The following PPP1R12B variants were observed in gnomAD, a reference collection of about 807,000 sequenced individuals.
The protein encoded by PPP1R12B is myosin phosphatase target subunit 2.
PPP1R12B carries 76 observed loss-of-function variants against 126.1 expected under a neutral mutation model. That is an observed-to-expected ratio of 0.60 (90% CI 0.50 to 0.73). The LOEUF is 0.73. Among genes scored for constraint, PPP1R12B ranks in the 30% least tolerant of loss-of-function variants. The pLI is 0.00. For synonymous variants in PPP1R12B, 356 were observed against 434.7 expected, an observed-to-expected ratio of 0.82 and a Z score of 2.25; for missense variants, 1,052 against 1,205.1, an observed-to-expected ratio of 0.87 and a Z score of 1.88.
intron 4 of PPP1R12B, among the ~76,000 whole-genome samples, 165 bp from the exon 5 acceptor site, chr1:202,426,875 A>G (rs1292996738): frequency 6.6e-6 from 1 of 152,222 alleles, no homozygotes; most frequent in Non-Finnish European, 1.5e-5. Flanking sequence ...TTGGTACGCA[A>G]AGTAGTTAAC....
Position 202,566,813 on chromosome 1 carries a change from T to A in PPP1R12B, c.2758-965T>A, listed in dbSNP as rs1512749. On this transcript the variant is annotated intron_variant, in intron 21 of 23. Transcript: ENST00000608999. The stretch of plus-strand genomic sequence containing the variant: ...TCTGGCCATTCCTTAATTTTTTTTT[T>A]AAAAAAAGAAACTGCTGCAAGAAGA... 1.5e-3 allele frequency among the ~76,000 whole-genome samples: 225 copies of A among 152,108 alleles called. 1 individual carries two copies. Among genetic ancestry groups the A allele is most frequent in the Middle Eastern group, 3.4e-3 (1 of 294 alleles).
chr1:202,435,616 G>C (rs1420679311), intron 9 of PPP1R12B, among the ~76,000 whole-genome samples: 2 of 152,190 alleles, frequency 1.3e-5, no homozygotes, highest in African/African-American at 2.4e-5. Context: ...TAGTCAGTGA[G>C]AGTGAGTTGA....
Position 202,457,376 on chromosome 1 carries a change from G to A in PPP1R12B, c.1850+8205G>A, listed in dbSNP as rs1372266941. ...ACCAGCCTGACCAACATGGCGACAC[G>A]CCATCTCTACTAAAAAAATACAAAA... On this transcript the variant is annotated intron_variant, in intron 13 of 23. Coordinates refer to ENST00000608999, the MANE Select transcript of PPP1R12B (RefSeq NM_002481.4). Among the ~76,000 whole-genome samples, 4 of 151,758 alleles carry A rather than the reference G, an allele frequency of 2.6e-5. No individual in the cohort carries two copies. In the South Asian group the frequency reaches 6.2e-4, roughly 24 times the overall value.
At chr1:202,471,932 G>C in intron 13 of PPP1R12B, 1 of 1,596,824 alleles carries the variant, frequency 6.3e-7, no homozygotes, top group South Asian at 1.1e-5. Flanking sequence ...GCTGGCAGAG[G>C]ACAGTGGAGC....
chr1:202,424,326 C>CTT (rs34030338), intron 3 of PPP1R12B, among the ~76,000 whole-genome samples: 10 of 141,364 alleles, frequency 7.1e-5, no homozygotes, highest in Admixed American at 1.4e-4. Flanking sequence ...CAGGTTCTCT[C>CTT]TTTTTTTTTT....
At chr1:202,364,686 C>G (rs2148421797) in intron 1 of PPP1R12B, among the ~76,000 whole-genome samples, 1 of 152,216 alleles carries the variant, frequency 6.6e-6, no homozygotes, top group African/African-American at 2.4e-5. Context: ...ACGCCATTCT[C>G]CTGTTTCAGC....
chr1:202,391,626 T>C (rs1017666931), intron 1 of PPP1R12B, among the ~76,000 whole-genome samples: 2 of 139,270 alleles, frequency 1.4e-5, no homozygotes, highest in Admixed American at 7.2e-5. Flanking sequence ...TATCTTCAGG[T>C]GTACTGAAGA....
chr1:202,364,822 C>T lies in PPP1R12B; in HGVS notation c.291+15680C>T, dbSNP rs1381623420. On this transcript the variant is annotated intron_variant, in intron 1 of 23. Transcript: ENST00000608999. ...CGATCTCCTGACCTCGTGATGGGCC[C>T]GCCTCGGCCTCCCAAAGTGCTGGGA... Among the ~76,000 whole-genome samples, 11 of 152,122 alleles carry T rather than the reference C, an allele frequency of 7.2e-5. No individual in the cohort carries two copies. In the East Asian group the frequency reaches 1.2e-3, roughly 16 times the overall value.
At chr1:202,533,476 G>A (rs561504556) in intron 18 of PPP1R12B, among the ~76,000 whole-genome samples, 1 of 151,958 alleles carries the variant, frequency 6.6e-6, no homozygotes, top group Non-Finnish European at 1.5e-5. Context: ...TTTTTGTTTT[G>A]TTTTGTTTTG....
intron 5 of PPP1R12B, among the ~76,000 whole-genome samples, chr1:202,427,998 T>C (rs1336061226): frequency 1.3e-5 from 2 of 150,680 alleles, no homozygotes; most frequent in Non-Finnish European, 2.9e-5. Flanking sequence ...ATGGTAGAGA[T>C]GGGGGGTCTC....
At chr1:202,465,841 C>T (rs990408648) in intron 13 of PPP1R12B, among the ~76,000 whole-genome samples, 3 of 152,154 alleles carry the variant, frequency 2.0e-5, no homozygotes, top group Non-Finnish European at 4.4e-5. Context: ...ACAGTCCTTG[C>T]GCACTTGTGC....
At chr1:202,372,151 G>T (rs980728323) in intron 1 of PPP1R12B, among the ~76,000 whole-genome samples, 4 of 152,090 alleles carry the variant, frequency 2.6e-5, no homozygotes, top group African/African-American at 7.2e-5. Flanking sequence ...GATTATAGGC[G>T]TGAGCCACTG....
chr1:202,360,995 A>G (rs1324782615), intron 1 of PPP1R12B, among the ~76,000 whole-genome samples: 3 of 149,044 alleles, frequency 2.0e-5, no homozygotes, highest in Admixed American at 1.4e-4. Flanking sequence ...GGTTCATGCC[A>G]TTCTCCTGCC....
At chr1:202,495,534 T>C in intron 16 of PPP1R12B, 36 bp from the exon 17 acceptor site, 1 of 1,611,696 alleles carries the variant, frequency 6.2e-7, no homozygotes, top group Non-Finnish European at 8.5e-7. Flanking sequence ...CATCCCCAGA[T>C]TCTTAAAGTT....
At chr1:202,492,603 G>C (rs1679025593) in intron 14 of PPP1R12B, among the ~76,000 whole-genome samples, 1 of 152,174 alleles carries the variant, frequency 6.6e-6, no homozygotes, top group South Asian at 2.1e-4. Context: ...AGTTACTTGG[G>C]AATTGATATT....
At chr1:202,537,133 G>A (rs1260395631) in intron 18 of PPP1R12B, among the ~76,000 whole-genome samples, 1 of 152,162 alleles carries the variant, frequency 6.6e-6, no homozygotes, top group Non-Finnish European at 1.5e-5. Context: ...CCGATCACAA[G>A]GTCAGGAGAT....
At chr1:202,377,832 GTTTTTTTTTTTTTTTTT>G (rs74860606) in intron 1 of PPP1R12B, among the ~76,000 whole-genome samples, 35 of 97,306 alleles carry the variant, frequency 3.6e-4, no homozygotes, top group Admixed American at 3.3e-3. Context: ...AAAGACAGGT[GTTTTTTTTTTTTTTTTT>G]TTTTTTTTTT....
chr1:202,430,926 TAA>T (rs932496754), intron 7 of PPP1R12B, 116 bp downstream of exon 7: 22 of 1,400,934 alleles, frequency 1.6e-5, no homozygotes, highest in Admixed American at 5.5e-5. Context: ...GAGTGATCTA[TAA>T]ACTTGTGGGA....
chr1:202,488,717 T>C (rs770480032), intron 14 of PPP1R12B, 94 bp downstream of exon 14: 80 of 1,103,752 alleles, frequency 7.2e-5, no homozygotes, highest in Non-Finnish European at 1.0e-4. Flanking sequence ...GTTCAACTGC[T>C]GATTTAAACA....
Sources: gnomAD v4.1 joint callset for allele counts (sites outside exome capture counted in the v4.1 genomes callset) on GRCh38, gnomAD v4.1.1 for gene constraint, MANE v1.5 for transcripts, NCBI Gene and HGNC (gene_info 2026-07-23, HGNC 2026-07-21) for gene names.